LNP1: variants seen among roughly 807,000 people sequenced by gnomAD.
LNP1 encodes the protein leukemia NUP98 fusion partner 1.
LNP1 carries 12 observed loss-of-function variants against 14.5 expected under a neutral mutation model. The ratio of observed to expected loss-of-function variants is 0.83; its 90% CI spans 0.53 to 1.34. LNP1 has a LOEUF of 1.34. Among genes scored for constraint, LNP1 ranks in the 40% most tolerant of loss-of-function variants. The pLI, the probability that LNP1 is intolerant of heterozygous loss-of-function variation, is 0.00. For missense variants in LNP1, 198 were observed against 210.9 expected (o/e 0.94, Z 0.38); for synonymous variants, 75 against 71.4 (o/e 1.05, Z -0.26).
In LNP1 at chr3:100,402,376, A is replaced by T. The variant is rs1706919445; in HGVS notation, c.-97A>T. Reference sequence around the variant, plus strand: ...ATTTTATCAAGTGGCACCAGAATGGACTGATTAAAATAGAATGGCCTAATT... The same window carrying T: ...ATTTTATCAAGTGGCACCAGAATGGTCTGATTAAAATAGAATGGCCTAATT... On this transcript the variant is annotated 5_prime_UTR_variant, in exon 1 of 4. Coordinates refer to ENST00000383693, the MANE Select transcript of LNP1 (RefSeq NM_001085451.2). 1 of 152,266 alleles carries T rather than the reference A, an allele frequency of 6.6e-6. No individual in the cohort carries two copies. 9.4% of individuals were successfully genotyped at this position (152,266 alleles called of 1,614,324 possible). A position where few individuals can be genotyped will look rare whatever the true frequency, so the allele number is the denominator to read the frequency against.
intron 2 of LNP1, among the ~76,000 whole-genome samples, chr3:100,450,089 C>CTT (rs57762414): frequency 2.3e-4 from 31 of 135,190 alleles, no homozygotes; most frequent in African/African-American, 4.7e-4. Context: ...CACCATACCA[C>CTT]TTTTTTTTTT....
chr3:100,430,425 C>T (rs981100413), intron 2 of LNP1, among the ~76,000 whole-genome samples: 1 of 152,192 alleles, frequency 6.6e-6, no homozygotes, highest in Non-Finnish European at 1.5e-5. Context: ...TGTTTTGTTA[C>T]AGCTAGGCAG....
At chr3:100,444,637 C>G (rs1707371942) in intron 2 of LNP1, among the ~76,000 whole-genome samples, 2 of 152,142 alleles carry the variant, frequency 1.3e-5, no homozygotes, top group Non-Finnish European at 2.9e-5. Flanking sequence ...AATAGGATCA[C>G]AGGTCATTGT....
intron 2 of LNP1, among the ~76,000 whole-genome samples, chr3:100,431,025 C>T (rs1230289082): frequency 6.6e-6 from 1 of 152,226 alleles, no homozygotes; most frequent in African/African-American, 2.4e-5. Flanking sequence ...AAAATAAACA[C>T]CTGCTTATTG....
chr3:100,403,502 T>C (rs1706933190), intron 1 of LNP1, among the ~76,000 whole-genome samples: 1 of 152,032 alleles, frequency 6.6e-6, no homozygotes, highest in African/African-American at 2.4e-5. Flanking sequence ...TTCGCTCTTG[T>C]TGCCCAGGCT....
intron 3 of LNP1, 85 bp downstream of exon 3, chr3:100,452,034 A>C (rs1707465238): frequency 1.3e-5 from 10 of 753,070 alleles, no homozygotes; most frequent in Non-Finnish European, 1.9e-5. Context: ...GAGGGGAACA[A>C]ATGTAACTTC....
At chr3:100,418,129 G>A (rs1259982671) in intron 1 of LNP1, among the ~76,000 whole-genome samples, 1 of 146,866 alleles carries the variant, frequency 6.8e-6, no homozygotes, top group African/African-American at 2.5e-5. Flanking sequence ...GTGTGAGCTC[G>A]GCTCAATGCA....
At chr3:100,446,643 T>A (rs1020056976) in intron 2 of LNP1, among the ~76,000 whole-genome samples, 1 of 152,112 alleles carries the variant, frequency 6.6e-6, no homozygotes, top group African/African-American at 2.4e-5. Context: ...CAAAAGAAAC[T>A]ACCATCAGAG....
chr3:100,413,260 A>T (rs934055262), intron 1 of LNP1, among the ~76,000 whole-genome samples: 1 of 152,110 alleles, frequency 6.6e-6, no homozygotes, highest in Non-Finnish European at 1.5e-5. Flanking sequence ...TTGAGCCCTT[A>T]TGCGGTTATT....
intron 2 of LNP1, among the ~76,000 whole-genome samples, chr3:100,447,443 C>G (rs1027781272): frequency 1.3e-5 from 2 of 151,782 alleles, no homozygotes; most frequent in African/African-American, 4.8e-5. Flanking sequence ...ATACTGGGGC[C>G]TGTTGGAGGG....
At chr3:100,430,289 A>C (rs762821733) in intron 2 of LNP1, among the ~76,000 whole-genome samples, 11 of 152,218 alleles carry the variant, frequency 7.2e-5, no homozygotes, top group Non-Finnish European at 1.6e-4. Context: ...TAGACCTTCT[A>C]AGGAACTGGG....
At position 100,429,719 on chromosome 3, in the gene LNP1, A is replaced by G. The variant is rs749750570; in HGVS notation, c.-11A>G. ...TAGGGACAGGCCTTCAGTATTTGGC[A>G]TCACCTTTACATGGAGCACAAAGAT... On this transcript the variant is annotated 5_prime_UTR_variant, in exon 2 of 4. Transcript: ENST00000383693. 3.7e-6 allele frequency: 6 copies of G among 1,612,588 alleles called. No homozygotes were observed. Among genetic ancestry groups the G allele is most frequent in the Non-Finnish European group, 4.2e-6 (5 of 1,179,266 alleles).
At chr3:100,430,519 T>C (rs1043830730) in intron 2 of LNP1, among the ~76,000 whole-genome samples, 1 of 152,206 alleles carries the variant, frequency 6.6e-6, no homozygotes, top group African/African-American at 2.4e-5. Flanking sequence ...GTAGACTCAG[T>C]GACATGTACA....
intron 1 of LNP1, among the ~76,000 whole-genome samples, chr3:100,426,189 A>T (rs769138962): frequency 6.6e-6 from 1 of 152,178 alleles, no homozygotes; most frequent in Non-Finnish European, 1.5e-5. Context: ...TCCCGTAGGC[A>T]TCTGCAAGTG....
chr3:100,447,756 C>G (rs1012975940), intron 2 of LNP1, among the ~76,000 whole-genome samples: 9 of 152,122 alleles, frequency 5.9e-5, no homozygotes, highest in African/African-American at 2.2e-4. Flanking sequence ...AGTCTTTCTC[C>G]TGTGAAATTA....
At chr3:100,405,263 C>T (rs1354667199) in intron 1 of LNP1, among the ~76,000 whole-genome samples, 1 of 152,148 alleles carries the variant, frequency 6.6e-6, no homozygotes, top group African/African-American at 2.4e-5. Flanking sequence ...GTGAAGTCTT[C>T]AACAAATTCA....
At chr3:100,452,045 T>C (rs2148908806) in intron 3 of LNP1, 96 bp downstream of exon 3, 1 of 672,804 alleles carries the variant, frequency 1.5e-6, no homozygotes, top group East Asian at 2.7e-5. Flanking sequence ...ATGTAACTTC[T>C]TCATTTACAG....
rs1707227705 is a variant in LNP1, at chr3:100,429,940, T to C, written c.156+55T>C. On this transcript the variant is annotated intron_variant, in intron 2 of 3. Transcript: ENST00000383693. The stretch of plus-strand genomic sequence containing the variant: ...GAGCTGGAATAGGGGAGGGGGTTTC[T>C]CTTAGATAATTTTTTGAGGAATCTT... 12 of 1,542,968 alleles carry C rather than the reference T, an allele frequency of 7.8e-6. No homozygotes were observed. In the South Asian group the frequency reaches 8.6e-5, roughly 11 times the overall value.
intron 3 of LNP1, among the ~76,000 whole-genome samples, 198 bp downstream of exon 3, chr3:100,452,147 G>A (rs72943217): frequency 0.035 from 5,224 of 150,906 alleles, 304 homozygotes; most frequent in African/African-American, 0.12. Flanking sequence ...AAGACATCTG[G>A]TATAGGAAGA....
Sources: allele counts gnomAD v4.1 joint callset (sites outside exome capture counted in the v4.1 genomes callset), GRCh38; gene constraint gnomAD v4.1.1; transcripts MANE v1.5; gene names NCBI Gene and HGNC (gene_info 2026-07-23, HGNC 2026-07-21).